Variants in MLPH observed in about 807,000 individuals in gnomAD.
MLPH encodes the protein melanophilin.
MLPH carries 51 observed loss-of-function variants against 72.1 expected under a neutral mutation model. The ratio of observed to expected loss-of-function variants is 0.71; its 90% CI spans 0.56 to 0.89. The LOEUF (loss-of-function observed/expected upper bound fraction) is 0.89. Among genes scored for constraint, MLPH ranks in the 40% least tolerant of loss-of-function variants. The pLI is 0.00. For missense variants in MLPH, 743 were observed against 759.9 expected, an observed-to-expected ratio of 0.98 and a Z score of 0.26; for synonymous variants, 301 against 310.1, an observed-to-expected ratio of 0.97 and a Z score of 0.31.
Position 237,495,809 on chromosome 2 carries a change from G to A in MLPH, c.110+2273G>A, listed in dbSNP as rs546741248. Among the ~76,000 whole-genome samples the A allele has an allele frequency of 3.9e-5, 6 of 152,216 alleles. No homozygotes were observed. The East Asian group carries it at 7.8e-4, about 20-fold the overall frequency. On this transcript the variant is annotated intron_variant, in intron 2 of 15. Transcript: ENST00000264605. ...CAGCCTGGTGGCCATGGCCGGCCAC[G>A]ACCACCTTCTCAAAGCCTGAGCAGA...
At chr2:237,540,291 G>A in intron 9 of MLPH, 57 bp from the exon 10 acceptor site, 1 of 1,597,878 alleles carries the variant, frequency 6.3e-7, no homozygotes, top group Non-Finnish European at 8.5e-7. Context: ...GCCAGCCCTG[G>A]AGCTCCATGG....
chr2:237,523,915 A>AT (rs148059178), intron 6 of MLPH, among the ~76,000 whole-genome samples: 25,321 of 151,994 alleles, frequency 0.17, 2,322 homozygotes, highest in African/African-American at 0.23. Flanking sequence ...GGCCTCGGGT[A>AT]AGTAATATGG....
Position 237,510,485 on chromosome 2 carries a change from G to A in MLPH, c.111-89G>A, listed in dbSNP as rs2079867079. 4 of 992,910 alleles carry A rather than the reference G, an allele frequency of 4.0e-6. No individual in the cohort carries two copies. Among genetic ancestry groups the A allele is most frequent in the South Asian group, 1.4e-5 (1 of 70,322 alleles). The allele number at this position is 992,910 out of a possible 1,614,324, so 61.5% of individuals were successfully genotyped here. On this transcript the variant is annotated intron_variant, in intron 2 of 15. Transcript: ENST00000264605. This position sits in a 1 kb window ranked among gnomAD's most constrained non-coding sequence, Gnocchi z 4.4. The stretch of plus-strand genomic sequence containing the variant: ...TGTGTGTGTGTATGTGTCTGTGTCT[G>A]TGTGTGTGTGTATGTACGTGTACAC...
chr2:237,511,362 T>C (rs2079900607), intron 4 of MLPH: 6 of 435,502 alleles, frequency 1.4e-5, no homozygotes, highest in South Asian at 1.3e-4. Context: ...TCCACCCACC[T>C]CAGCCTCCCG....
intron 2 of MLPH, 23 bp downstream of exon 2, chr2:237,493,559 A>C: frequency 6.3e-7 from 1 of 1,593,752 alleles, no homozygotes; most frequent in Non-Finnish European, 8.6e-7. Context: ...TGCTGAGCCC[A>C]CGGAGCCCGG....
At chr2:237,492,950 C>A (rs2106453442) in intron 1 of MLPH, among the ~76,000 whole-genome samples, 1 of 152,340 alleles carries the variant, frequency 6.6e-6, no homozygotes, top group East Asian at 1.9e-4. Context: ...AGACTCTGAG[C>A]TGACTATGAA....
At chr2:237,520,166 A>G in intron 6 of MLPH, 137 bp downstream of exon 6, 1 of 1,164,000 alleles carries the variant, frequency 8.6e-7, no homozygotes, top group Admixed American at 2.0e-5. Context: ...AAGGCATGAC[A>G]GGGAAGGGGA....
intron 2 of MLPH, among the ~76,000 whole-genome samples, chr2:237,494,751 T>A (rs2079500854): frequency 6.6e-6 from 1 of 152,040 alleles, no homozygotes; most frequent in African/African-American, 2.4e-5. Flanking sequence ...ATCACGCAGG[T>A]GTGTTGAGCG....
chr2:237,519,932 A>ACG lies in MLPH; in HGVS notation c.579_580dup (p.Asp194AlafsTer131). ...AAGAAAAAGCGCCTCCTCTCCGTCC[A>ACG]CGACTTCGACTTCGAGGGAGACTCA... On this transcript the variant is annotated frameshift_variant, in exon 6 of 16. Coordinates refer to ENST00000264605, the MANE Select transcript of MLPH (RefSeq NM_024101.7). LOFTEE classifies it high-confidence loss of function. The ACG allele has an allele frequency of 6.2e-7, 1 of 1,613,970 alleles. No individual in the cohort carries two copies. The highest frequency in any genetic ancestry group is 1.3e-5 in the African/African-American group (1 of 75,018).
chr2:237,507,795 C>T (rs7567116), intron 2 of MLPH, among the ~76,000 whole-genome samples: 284 of 152,308 alleles, frequency 1.9e-3, no homozygotes, highest in African/African-American at 6.7e-3. Context: ...AAGTGAGAGT[C>T]GCACTTTGTT....
At chr2:237,518,696 C>G in intron 5 of MLPH, 48 bp downstream of exon 5, 1 of 1,447,584 alleles carries the variant, frequency 6.9e-7, no homozygotes, top group East Asian at 2.3e-5. Flanking sequence ...GATTCCATCC[C>G]GCAGCTGGGA....
chr2:237,545,747 A>G, intron 12 of MLPH: 1 of 918,052 alleles, frequency 1.1e-6, no homozygotes, highest in Non-Finnish European at 1.4e-6. Context: ...ACCTTAGGAG[A>G]GTCCCAGATA....
At chr2:237,493,720 G>A (rs549568065) in intron 2 of MLPH, among the ~76,000 whole-genome samples, 184 bp downstream of exon 2, 5 of 152,194 alleles carry the variant, frequency 3.3e-5, no homozygotes, top group Non-Finnish European at 7.3e-5. Context: ...GATCTGACTT[G>A]CCAAACTGAC....
chr2:237,511,105 A>G lies in MLPH; in HGVS notation c.445+4A>G, dbSNP rs746092003. On this transcript the variant is annotated splice_donor_region_variant and intron_variant, in intron 4 of 15. Coordinates refer to ENST00000264605, the MANE Select transcript of MLPH (RefSeq NM_024101.7). ...CACGGGCGGCTGCAGGGTGGAGGTA[A>G]GGAGTGGAGAGTAAGAACGGCTTTT... 99 of 1,610,242 alleles carry G rather than the reference A, an allele frequency of 6.1e-5. No individual in the cohort carries two copies. Among genetic ancestry groups the G allele is most frequent in the Admixed American group, 1.5e-4 (9 of 59,978 alleles).
chr2:237,511,266 G>A, intron 4 of MLPH, 165 bp downstream of exon 4: 1 of 530,326 alleles, frequency 1.9e-6, no homozygotes, highest in Non-Finnish European at 3.2e-6. Context: ...GCTTCTGGCT[G>A]CTTTTTTTTT....
chr2:237,526,251 G>A (rs954753765), intron 7 of MLPH, among the ~76,000 whole-genome samples: 9 of 152,268 alleles, frequency 5.9e-5, no homozygotes, highest in Admixed American at 5.2e-4. Context: ...TTTGTCGTCA[G>A]TTTTGCTTTG....
chr2:237,491,538 T>A (rs1468672930), intron 1 of MLPH, among the ~76,000 whole-genome samples: 1 of 152,184 alleles, frequency 6.6e-6, no homozygotes, highest in African/African-American at 2.4e-5. Flanking sequence ...GGTGCTATTC[T>A]TGTGGAGCTT....
At chr2:237,519,788 G>C in intron 5 of MLPH, 122 bp from the exon 6 acceptor site, 1 of 1,399,440 alleles carries the variant, frequency 7.1e-7, no homozygotes, top group East Asian at 2.3e-5. Context: ...TGGATGTGCT[G>C]GGAGAGGAGC....
chr2:237,550,378 G>A (rs1217457358), intron 14 of MLPH, among the ~76,000 whole-genome samples: 1 of 152,192 alleles, frequency 6.6e-6, no homozygotes, highest in Non-Finnish European at 1.5e-5. Flanking sequence ...TACAGCTGGT[G>A]CCCAGGGCCC....
Sources: gnomAD v4.1 joint callset for allele counts (sites outside exome capture counted in the v4.1 genomes callset) on GRCh38, gnomAD v4.1.1 for gene constraint, Gnocchi (gnomAD v3.1) non-coding constraint, MANE v1.5 for transcripts, NCBI Gene and HGNC (gene_info 2026-07-23, HGNC 2026-07-21) for gene names.